The following APP variants were observed in gnomAD, a reference collection of about 807,000 sequenced individuals.
APP encodes the protein amyloid beta precursor protein.
Under a neutral mutation model 101.4 loss-of-function variants are expected in APP, and 31 were observed. The observed-to-expected ratio is 0.31, with a 90% confidence interval of 0.23 to 0.41. The LOEUF (loss-of-function observed/expected upper bound fraction) is 0.41. Among genes scored for constraint, APP ranks in the 10% least tolerant of loss-of-function variants. The probability of loss-of-function intolerance (pLI) is 1.00; values close to 1 mark genes in which losing one functional copy is unlikely to be tolerated. For synonymous variants in APP, 366 were observed against 364.4 expected (o/e 1.00, Z -0.05); for missense variants, 839 against 1,003.7 (o/e 0.84, Z 2.22).
chr21:26,007,762 T>A (rs2043601281), intron 6 of APP, among the ~76,000 whole-genome samples: 1 of 152,130 alleles, frequency 6.6e-6, no homozygotes, highest in South Asian at 2.1e-4. Flanking sequence ...AGAACGTGAT[T>A]TTCCCAATTC....
intron 14 of APP, among the ~76,000 whole-genome samples, chr21:25,909,725 TTAGAGA>T (rs1282521046): frequency 6.6e-6 from 1 of 152,216 alleles, no homozygotes; most frequent in Non-Finnish European, 1.5e-5. Context: ...AAAATTCTCA[TTAGAGA>T]CTGAATGAAG....
intron 1 of APP, among the ~76,000 whole-genome samples, chr21:26,156,894 T>TA (rs2063385833): frequency 6.6e-6 from 1 of 152,128 alleles, no homozygotes; most frequent in Admixed American, 6.5e-5. Context: ...ATGAGCAATA[T>TA]AATATGACAG....
At chr21:26,136,130 C>CAAAAAA (rs566248174) in intron 1 of APP, among the ~76,000 whole-genome samples, 1 of 50,410 alleles carries the variant, frequency 2.0e-5, no homozygotes, top group East Asian at 4.8e-4. Flanking sequence ...GACTCTGTCT[C>CAAAAAA]AAAAAAGAAA....
Position 25,945,025 on chromosome 21 carries a change from C to T in APP, c.1687+9565G>A, listed in dbSNP as rs529045693. On this transcript the variant is annotated intron_variant, in intron 13 of 17. Transcript: ENST00000346798. ...CATCAAAAGAAACGGCAGACTTTGG[C>T]GTGGGAGACCATGCCTCAGGCTCCA... Among the ~76,000 whole-genome samples the T allele has an allele frequency of 7.9e-5, 12 of 152,264 alleles. No individual in the cohort carries two copies. In the South Asian group the frequency reaches 2.3e-3, roughly 29 times the overall value.
intron 15 of APP, 59 bp downstream of exon 15, chr21:25,904,965 A>AT: frequency 6.9e-7 from 1 of 1,440,258 alleles, no homozygotes; most frequent in Non-Finnish European, 9.7e-7. Flanking sequence ...AAAGGAGACA[A>AT]CGTCTGCTCG....
chr21:26,076,234 A>G (rs1432579027), intron 3 of APP, among the ~76,000 whole-genome samples: 1 of 152,092 alleles, frequency 6.6e-6, no homozygotes, highest in Non-Finnish European at 1.5e-5. Context: ...CATTTTCTTT[A>G]CGTATCCCTC....
chr21:26,148,726 AG>A (rs1370850951), intron 1 of APP, among the ~76,000 whole-genome samples: 5 of 152,206 alleles, frequency 3.3e-5, no homozygotes, highest in Non-Finnish European at 7.3e-5. Flanking sequence ...TGTTACAAAG[AG>A]GCTCAAAAAT....
At chr21:26,107,295 T>C (rs1601479353) in intron 2 of APP, among the ~76,000 whole-genome samples, 1 of 152,212 alleles carries the variant, frequency 6.6e-6, no homozygotes, top group African/African-American at 2.4e-5. Flanking sequence ...TTCCTGTTCA[T>C]AGCCATGCAA....
At chr21:26,023,900 C>A (rs1044928716) in intron 5 of APP, among the ~76,000 whole-genome samples, 1 of 152,128 alleles carries the variant, frequency 6.6e-6, no homozygotes, top group Non-Finnish European at 1.5e-5. Context: ...AAGAGATAAC[C>A]AGTAACTCAG....
chr21:26,026,752 G>A (rs2044594315), intron 5 of APP, among the ~76,000 whole-genome samples: 1 of 152,210 alleles, frequency 6.6e-6, no homozygotes, highest in African/African-American at 2.4e-5. Context: ...AAAGTACTCA[G>A]TATGACACTA....
At chr21:26,084,585 G>A (rs1356552109) in intron 3 of APP, among the ~76,000 whole-genome samples, 2 of 152,160 alleles carry the variant, frequency 1.3e-5, no homozygotes, top group Non-Finnish European at 2.9e-5. Flanking sequence ...ATGGAAGAGG[G>A]CTTCACTTTC....
At chr21:26,039,699 A>AAT (rs943811818) in intron 5 of APP, among the ~76,000 whole-genome samples, 1 of 152,200 alleles carries the variant, frequency 6.6e-6, no homozygotes, top group Non-Finnish European at 1.5e-5. Context: ...TGCACCTTCA[A>AAT]ATGTCTGACA....
At chr21:25,980,994 T>C (rs926277487) in intron 9 of APP, among the ~76,000 whole-genome samples, 1 of 152,162 alleles carries the variant, frequency 6.6e-6, no homozygotes, top group African/African-American at 2.4e-5. Flanking sequence ...ATAATGGTGA[T>C]GGGGCATGAG....
chr21:26,068,651 G>C (rs1568934539), intron 3 of APP, among the ~76,000 whole-genome samples: 1 of 152,160 alleles, frequency 6.6e-6, no homozygotes, highest in Non-Finnish European at 1.5e-5. Flanking sequence ...TTCTAGGCAT[G>C]GGCCACTGAA....
chr21:25,909,220 G>A (rs542758090), intron 14 of APP, among the ~76,000 whole-genome samples: 15 of 139,590 alleles, frequency 1.1e-4, no homozygotes, highest in African/African-American at 3.3e-4. Flanking sequence ...CTGAGATCGC[G>A]CCACTGCACT....
chr21:26,058,279 G>A (rs1016204908), intron 3 of APP, among the ~76,000 whole-genome samples: 6 of 152,216 alleles, frequency 3.9e-5, no homozygotes, highest in African/African-American at 1.2e-4. Context: ...ACTTGGGAGG[G>A]ACATACTCCT....
At chr21:26,033,190 T>C (rs2044920927) in intron 5 of APP, among the ~76,000 whole-genome samples, 1 of 152,240 alleles carries the variant, frequency 6.6e-6, no homozygotes, top group Admixed American at 6.5e-5. Context: ...AATCCCCATG[T>C]GTCTAGAGAA....
At chr21:25,915,063 A>G (rs1055848342) in intron 13 of APP, among the ~76,000 whole-genome samples, 4 of 152,138 alleles carry the variant, frequency 2.6e-5, no homozygotes, top group African/African-American at 9.7e-5. Context: ...TTTCTACCGA[A>G]TTAATTCCAA....
chr21:25,994,963 G>A (rs1433744049), intron 8 of APP, among the ~76,000 whole-genome samples: 1 of 152,090 alleles, frequency 6.6e-6, no homozygotes, highest in Non-Finnish European at 1.5e-5. Flanking sequence ...AGTCTCTGTA[G>A]GCAGACAAGA....
Sources: gnomAD v4.1 joint callset for allele counts (sites outside exome capture counted in the v4.1 genomes callset) on GRCh38, gnomAD v4.1.1 for gene constraint, MANE v1.5 for transcripts, NCBI Gene and HGNC (gene_info 2026-07-23, HGNC 2026-07-21) for gene names.